The following COPS5 variants were observed in gnomAD, a reference collection of about 807,000 sequenced individuals.
COPS5 encodes the protein COP9 signalosome subunit 5, also known as COP9 signalosome complex subunit 5.
In COPS5, 8 loss-of-function variants were observed where a neutral mutation model predicts 44.4. The observed-to-expected ratio is 0.18, with a 90% CI of 0.11 to 0.32. COPS5 has a LOEUF of 0.32. Among genes scored for constraint, COPS5 ranks in the 10% least tolerant of loss-of-function variants. The pLI, the probability that COPS5 is intolerant of heterozygous loss-of-function variation, is 1.00. For missense variants in COPS5, 159 were observed against 406.4 expected, an observed-to-expected ratio of 0.39 and a Z score of 5.23; for synonymous variants, 122 against 142.8, an observed-to-expected ratio of 0.85 and a Z score of 1.04.
Position 67,051,220 on chromosome 8 carries a change from T to A in COPS5, c.771+10A>T, listed in dbSNP as rs750701896. 4 of 1,433,768 alleles carry A rather than the reference T, an allele frequency of 2.8e-6. No homozygotes were observed. The highest frequency in any genetic ancestry group is 1.7e-5 in the Admixed American group (1 of 59,728). 88.8% of individuals were successfully genotyped at this position (1,433,768 alleles called of 1,614,324 possible). A position where few individuals can be genotyped will look rare whatever the true frequency, so the allele number is the denominator to read the frequency against. On this transcript the variant is annotated intron_variant, in intron 6 of 7. Coordinates refer to ENST00000357849, the MANE Select transcript of COPS5 (RefSeq NM_006837.3). The stretch of plus-strand genomic sequence containing the variant: ...AATTCAAATGCATTCTTTACAAGTA[T>A]AGTACTTACAGTAAGCAAGCTAGAA...
chr8:67,053,794 C>T (rs1804455317), intron 5 of COPS5, among the ~76,000 whole-genome samples: 1 of 151,760 alleles, frequency 6.6e-6, no homozygotes, highest in South Asian at 2.1e-4. Context: ...ATCACGAGGT[C>T]ATGAGATTGA....
intron 7 of COPS5, 79 bp from the exon 8 acceptor site, chr8:67,043,396 C>T (rs1230243481): frequency 3.8e-6 from 3 of 793,822 alleles, no homozygotes; most frequent in Non-Finnish European, 4.2e-6. Flanking sequence ...CCAATCCATC[C>T]ATGTAACTCC....
intron 2 of COPS5, among the ~76,000 whole-genome samples, chr8:67,058,666 C>T (rs562737894): frequency 1.7e-4 from 25 of 151,482 alleles, no homozygotes; most frequent in African/African-American, 5.1e-4. Context: ...ATTTTAAACA[C>T]GTATCTGATA....
rs775048697 is a variant in COPS5 at position 67,059,570 on chromosome 8, G to A, written c.144-125C>T. Reference sequence around the variant, plus strand: ...GCGATGGAAAGGGAGTGTAGACTACGGGGAGAAAAAGTAAAAAAGGACAGT... The same window carrying A: ...GCGATGGAAAGGGAGTGTAGACTACAGGGAGAAAAAGTAAAAAAGGACAGT... On this transcript the variant is annotated intron_variant, in intron 1 of 7. Coordinates refer to ENST00000357849, the MANE Select transcript of COPS5 (RefSeq NM_006837.3). 73 of 705,424 alleles carry A rather than the reference G, an allele frequency of 1.0e-4. 1 individual carries two copies. Among genetic ancestry groups the A allele is most frequent in the South Asian group, 7.5e-4 (40 of 53,252 alleles). The allele number at this position is 705,424 out of a possible 1,614,324, so 43.7% of individuals were successfully genotyped here. A position where few individuals can be genotyped will look rare whatever the true frequency, so the allele number is the denominator to read the frequency against.
rs1307687509 is a variant in COPS5 at position 67,056,619 on chromosome 8, G to A, written c.574-15C>T. On this transcript the variant is annotated splice_polypyrimidine_tract_variant and intron_variant, in intron 4 of 7. Transcript: ENST00000357849. ...GGTTTGTAGCCCTAAACAAAAATGA[G>A]GTAAACAGAAGATTAAGAAAAAAAA... 22 of 591,562 alleles carry A rather than the reference G, an allele frequency of 3.7e-5. 1 individual carries two copies. Among genetic ancestry groups the A allele is most frequent in the African/African-American group, 1.6e-4 (6 of 38,276 alleles). 36.6% of individuals were successfully genotyped at this position (591,562 alleles called of 1,614,324 possible).
At chr8:67,057,496 T>C in intron 3 of COPS5, 51 bp from the exon 4 acceptor site, 1 of 1,246,364 alleles carries the variant, frequency 8.0e-7, no homozygotes, top group South Asian at 1.3e-5. Context: ...GTATGCCTTT[T>C]ATTTAAACAT....
intron 6 of COPS5, among the ~76,000 whole-genome samples, chr8:67,046,824 C>CAAAAAAAAAAAAAA (rs771868140): frequency 4.6e-5 from 2 of 43,720 alleles, no homozygotes; most frequent in Non-Finnish European, 8.2e-5. Context: ...ACTCTGTCTC[C>CAAAAAAAAAAAAAA]AAAAAAAAAA....
chr8:67,061,751 C>T (rs1436345238), intron 1 of COPS5, 103 bp downstream of exon 1: 1 of 1,163,980 alleles, frequency 8.6e-7, no homozygotes, highest in Admixed American at 1.9e-5. Flanking sequence ...GTCCCCCTCC[C>T]AGTCGGTGAA....
chr8:67,060,822 A>ATCC (rs1804588737), intron 1 of COPS5: 1 of 227,934 alleles, frequency 4.4e-6, no homozygotes, highest in Non-Finnish European at 8.9e-6. Context: ...CTTGTTTTTT[A>ATCC]ATTTGTAACA....
At position 67,059,292 on chromosome 8, in the gene COPS5, A is replaced by G. The variant is rs1054080987; in HGVS notation, c.297T>C (p.Pro99=). The G allele has an allele frequency of 2.5e-6, 4 of 1,614,104 alleles. No individual in the cohort carries two copies. The Admixed American group carries it at 5.0e-5, about 20-fold the overall frequency. ...TMIIMDSFAL[P]VEGTETRVNA... is the part of the protein sequence containing the mutation. ...TTACTCGGGTTTCAGTGCCCTCCAC[A>G]GGCAAAGCAAAACTGTCCATAATGA... The change falls in exon 2 of 8, where the codon CCT becomes CCC. Residue 99 remains proline (P), a synonymous_variant. Transcript: ENST00000357849.
chr8:67,053,945 G>A (rs1204811316), intron 5 of COPS5, among the ~76,000 whole-genome samples: 1 of 150,188 alleles, frequency 6.7e-6, no homozygotes, highest in East Asian at 1.9e-4. Flanking sequence ...GGCAGAGCTT[G>A]CAGTGAGCCG....
At chr8:67,043,342 T>C in intron 7 of COPS5, 25 bp from the exon 8 acceptor site, 2 of 1,411,056 alleles carry the variant, frequency 1.4e-6, no homozygotes, top group Non-Finnish European at 2.0e-6. Context: ...ACACATCACA[T>C]GATGTCATAA....
intron 6 of COPS5, 22 bp downstream of exon 6, chr8:67,051,208 T>C: frequency 7.3e-7 from 1 of 1,365,624 alleles, no homozygotes; most frequent in Non-Finnish European, 1.0e-6. Context: ...TCAAATGCAT[T>C]CTTTACAAGT....
At chr8:67,060,254 A>G (rs1284473734) in intron 1 of COPS5, 3 of 858,802 alleles carry the variant, frequency 3.5e-6, no homozygotes, top group Non-Finnish European at 3.0e-6. Context: ...TAGGATGAAT[A>G]TAATTAGAGC....
intron 6 of COPS5, among the ~76,000 whole-genome samples, chr8:67,049,737 C>A (rs946759747): frequency 2.0e-5 from 3 of 152,148 alleles, no homozygotes; most frequent in Non-Finnish European, 2.9e-5. Flanking sequence ...ACCAATACTC[C>A]ATCAAAGAGC....
chr8:67,050,763 G>T (rs1028565715), intron 6 of COPS5, among the ~76,000 whole-genome samples: 11 of 119,816 alleles, frequency 9.2e-5, no homozygotes, highest in African/African-American at 3.3e-4. Flanking sequence ...AATGCTAAGA[G>T]AAAGAAAAAA....
intron 6 of COPS5, among the ~76,000 whole-genome samples, chr8:67,050,093 C>A (rs953435185): frequency 7.2e-5 from 11 of 151,806 alleles, no homozygotes; most frequent in Non-Finnish European, 1.6e-4. Flanking sequence ...CTCTGCCCCC[C>A]GGGGCTCATG....
At chr8:67,050,455 A>T (rs1490451319) in intron 6 of COPS5, among the ~76,000 whole-genome samples, 1 of 152,210 alleles carries the variant, frequency 6.6e-6, no homozygotes, top group Non-Finnish European at 1.5e-5. Context: ...CAAGCCGCTC[A>T]TCAAGCTTAT....
intron 1 of COPS5, chr8:67,059,800 C>CGACCACCGAGAT: frequency 4.1e-6 from 1 of 241,286 alleles, no homozygotes. Flanking sequence ...TGTTCTGAGG[C>CGACCACCGAGAT]CTAACCTTCT....
Sources: gnomAD v4.1 joint callset for allele counts (sites outside exome capture counted in the v4.1 genomes callset) on GRCh38, gnomAD v4.1.1 for gene constraint, MANE v1.5 for transcripts, NCBI Gene and HGNC (gene_info 2026-07-23, HGNC 2026-07-21) for gene names.